The following NF1 variants were observed in gnomAD, a reference collection of about 807,000 sequenced individuals.
NF1 encodes neurofibromin 1.
Under a neutral mutation model 325.7 loss-of-function variants are expected in NF1, and 122 were observed. The ratio of observed to expected loss-of-function variants is 0.37; its 90% confidence interval spans 0.32 to 0.44. The LOEUF (loss-of-function observed/expected upper bound fraction) is 0.44, where lower values mean the gene tolerates loss of function less well. Ranked by LOEUF, NF1 falls within the 20% of genes least tolerant of loss-of-function variation. The pLI, the probability that NF1 is intolerant of heterozygous loss-of-function variation, is 1.00. For missense variants in NF1, 2,140 were observed against 3,415.4 expected (o/e 0.63, Z 9.31); for synonymous variants, 1,091 against 1,186.0 (o/e 0.92, Z 1.65).
intron 8 of NF1, among the ~76,000 whole-genome samples, chr17:31,185,476 G>A (rs2066222322): frequency 6.6e-6 from 1 of 152,156 alleles, no homozygotes. Flanking sequence ...GGGTGCCAGA[G>A]GATGGGAAAT....
chr17:31,207,527 T>C (rs979830840), intron 12 of NF1, among the ~76,000 whole-genome samples: 2 of 152,194 alleles, frequency 1.3e-5, no homozygotes, highest in Non-Finnish European at 2.9e-5. Context: ...TTATGTCATA[T>C]ATTTTGGGAT....
At chr17:31,248,844 A>G (rs1048558952) in intron 29 of NF1, 140 bp from the exon 30 acceptor site, 1 of 731,146 alleles carries the variant, frequency 1.4e-6, no homozygotes, top group East Asian at 2.8e-5. Context: ...TTTTTTTTTT[A>G]TAGTTGGTTG....
chr17:31,183,441 C>T (rs1159861560), intron 8 of NF1: 1 of 152,210 alleles, frequency 6.6e-6, no homozygotes, highest in Non-Finnish European at 1.5e-5. Context: ...GGAATTTATA[C>T]ATTAAAGGGT....
At position 31,169,964 on chromosome 17, in the gene NF1, G is replaced by A. The variant is rs2143707840; in HGVS notation, c.553G>A (p.Val185Met). ...TATAGAATTGTTACAGTATATCAAT[G>A]TGGATTGTGCAAAATTAAAACGACT... ...HDIELLQYIN[V>M]DCAKLKRLLK... is the part of the protein sequence containing the mutation. The change falls in exon 5 of 58, where the codon GTG becomes ATG. Residue 185 changes from valine (V) to methionine (M), a missense_variant. Val to Met is a conservative substitution (Grantham distance 21). Coordinates refer to ENST00000358273, the MANE Select transcript of NF1 (RefSeq NM_001042492.3). 1 of 1,604,714 alleles carries A rather than the reference G, an allele frequency of 6.2e-7. No homozygotes were observed. Among genetic ancestry groups the A allele is most frequent in the Non-Finnish European group, 8.5e-7 (1 of 1,173,458 alleles).
At chr17:31,116,964 A>G (rs1362653713) in intron 1 of NF1, among the ~76,000 whole-genome samples, 1 of 151,168 alleles carries the variant, frequency 6.6e-6, no homozygotes, top group Non-Finnish European at 1.5e-5. Context: ...GGCATGAGCC[A>G]CTGTGCCTGG....
chr17:31,129,687 C>T (rs1195681736), intron 1 of NF1, among the ~76,000 whole-genome samples: 1 of 152,034 alleles, frequency 6.6e-6, no homozygotes, highest in Non-Finnish European at 1.5e-5. Context: ...TCTTGGCCTC[C>T]CAAAATGTTG....
chr17:31,308,499 A>G (rs1310452009), intron 36 of NF1, among the ~76,000 whole-genome samples: 1 of 152,198 alleles, frequency 6.6e-6, no homozygotes, highest in Non-Finnish European at 1.5e-5. Context: ...TAACCAGTCC[A>G]GATTCACGTA....
intron 36 of NF1, among the ~76,000 whole-genome samples, chr17:31,325,387 G>T (rs2151536764): frequency 6.6e-6 from 1 of 152,316 alleles, no homozygotes; most frequent in African/African-American, 2.4e-5. Flanking sequence ...TTTGGCCCTG[G>T]TTGTCCTGGT....
At chr17:31,214,987 G>A (rs1367161341) in intron 13 of NF1, among the ~76,000 whole-genome samples, 7 of 152,142 alleles carry the variant, frequency 4.6e-5, no homozygotes, top group Non-Finnish European at 1.0e-4. Context: ...GCTTTTGCCA[G>A]TTTAGCTTTT....
At chr17:31,212,863 G>A (rs1234883382) in intron 12 of NF1, among the ~76,000 whole-genome samples, 1 of 151,972 alleles carries the variant, frequency 6.6e-6, no homozygotes, top group Non-Finnish European at 1.5e-5. Context: ...AAACAATAAC[G>A]CATTGTGCTT....
intron 1 of NF1, among the ~76,000 whole-genome samples, chr17:31,111,508 G>T (rs1400530195): frequency 6.6e-6 from 1 of 152,134 alleles, no homozygotes; most frequent in Non-Finnish European, 1.5e-5. Context: ...GCAGCCAGAA[G>T]AGGGGAAAAA....
chr17:31,325,574 C>G (rs2069319956), intron 36 of NF1, among the ~76,000 whole-genome samples: 1 of 152,180 alleles, frequency 6.6e-6, no homozygotes, highest in Non-Finnish European at 1.5e-5. Context: ...CCTTTCTTGA[C>G]TCATGGGCAA....
At chr17:31,257,344 A>C (rs2067600132) in intron 31 of NF1, among the ~76,000 whole-genome samples, 1 of 152,192 alleles carries the variant, frequency 6.6e-6, no homozygotes. Context: ...AGAGATTAAA[A>C]TGTTACATTA....
At chr17:31,263,087 G>GTAGGT (rs1183201283) in intron 35 of NF1, among the ~76,000 whole-genome samples, 1 of 109,040 alleles carries the variant, frequency 9.2e-6, no homozygotes, top group African/African-American at 3.6e-5. Flanking sequence ...AGGTAGGTAG[G>GTAGGT]TAGGTAGGTA....
chr17:31,132,557 C>A (rs1029494553), intron 1 of NF1, among the ~76,000 whole-genome samples: 1 of 151,984 alleles, frequency 6.6e-6, no homozygotes, highest in African/African-American at 2.4e-5. Flanking sequence ...TAAAAAGACT[C>A]ATTTCTTAGC....
chr17:31,336,708 T>C lies in NF1; in HGVS notation c.6221T>C (p.Met2074Thr). The C allele has an allele frequency of 6.2e-7, 1 of 1,614,112 alleles. No individual in the cohort carries two copies. Among genetic ancestry groups the C allele is most frequent in the Non-Finnish European group, 8.5e-7 (1 of 1,180,002 alleles). ...SPTPTLEQHL[M>T]WDDIAILARY... ...ACTCCTACTTTAGAACAACATCTTA[T>C]GTGGGATGATATTGCTATTTTAGCA... is the stretch of plus-strand genomic sequence containing the variant. The change falls in exon 42 of 58, where the codon ATG (methionine) becomes ACG (threonine). Residue 2074 changes from methionine (M) to threonine (T), a missense_variant. By Grantham distance (81) the Met-to-Thr change is moderately conservative (BLOSUM62 -1). Around this residue, in one of 10 missense-constraint regions of NF1, gnomAD observed 180 missense variants for 435.1 expected, o/e 0.41. Transcript: ENST00000358273. The surrounding 1 kb of genome is among the most constrained non-coding windows in gnomAD (Gnocchi z 5.5).
chr17:31,095,483 A>G, intron 1 of NF1, 114 bp downstream of exon 1: 1 of 895,268 alleles, frequency 1.1e-6, no homozygotes, highest in Non-Finnish European at 1.6e-6. Context: ...TCTGGAGGAA[A>G]GGAAGGGAAG....
At chr17:31,182,725 G>T (rs2066160865) in intron 8 of NF1, 60 bp downstream of exon 8, 7 of 1,475,064 alleles carry the variant, frequency 4.7e-6, no homozygotes, top group Non-Finnish European at 5.6e-6. Flanking sequence ...TTTTACTCAA[G>T]GTGTGTATTA....
chr17:31,340,441 T>G, intron 46 of NF1, 64 bp from the exon 47 acceptor site: 1 of 1,602,322 alleles, frequency 6.2e-7, no homozygotes, highest in African/African-American at 1.3e-5. Context: ...TTAACTGCAG[T>G]GTGTTTTGAA....
Sources: gnomAD v4.1 joint callset for allele counts (sites outside exome capture counted in the v4.1 genomes callset) on GRCh38, gnomAD v4.1.1 for gene constraint, gnomAD v4.1.1 regional missense constraint, Gnocchi (gnomAD v3.1) non-coding constraint, MANE v1.5 for transcripts, NCBI Gene and HGNC (gene_info 2026-07-23, HGNC 2026-07-21) for gene names.